Variants in DCDC1 observed in about 807,000 individuals in gnomAD.
DCDC1 encodes the protein doublecortin domain-containing protein 1.
DCDC1 carries 200 observed loss-of-function variants against 178.3 expected under a neutral mutation model. That is an observed-to-expected ratio of 1.12 (90% confidence interval 1.00 to 1.26). The LOEUF (loss-of-function observed/expected upper bound fraction) is 1.26. Ranked by LOEUF, DCDC1 falls within the 50% of genes most tolerant of loss-of-function variation. The pLI, the probability that DCDC1 is intolerant of heterozygous loss-of-function variation, is 0.00. For synonymous variants in DCDC1, 690 were observed against 604.8 expected, an observed-to-expected ratio of 1.14 and a Z score of -2.07; for missense variants, 1,983 against 1,749.2, an observed-to-expected ratio of 1.13 and a Z score of -2.38.
intron 9 of DCDC1, among the ~76,000 whole-genome samples, chr11:31,213,349 C>A (rs1274574888): frequency 6.6e-6 from 1 of 151,748 alleles, no homozygotes; most frequent in Non-Finnish European, 1.5e-5. Flanking sequence ...TGCCTGGCTC[C>A]TGAGTCTATT....
At chr11:31,085,698 CATTG>C (rs58403602) in intron 17 of DCDC1, among the ~76,000 whole-genome samples, 72,086 of 149,542 alleles carry the variant, frequency 0.48, 17,549 homozygotes, top group Middle Eastern at 0.56. Context: ...CTGCTAAGAA[CATTG>C]ATTGATTGAT....
chr11:30,908,260 T>C (rs1945213173), intron 29 of DCDC1, among the ~76,000 whole-genome samples: 1 of 152,122 alleles, frequency 6.6e-6, no homozygotes, highest in African/African-American at 2.4e-5. Context: ...ACTATAGGAC[T>C]CAATTTCATT....
intron 20 of DCDC1, among the ~76,000 whole-genome samples, chr11:31,047,431 G>A (rs180897029): frequency 6.6e-6 from 1 of 152,230 alleles, no homozygotes; most frequent in African/African-American, 2.4e-5. Flanking sequence ...AATCAAGATT[G>A]TATATTTTTT....
intron 20 of DCDC1, among the ~76,000 whole-genome samples, chr11:30,968,065 T>A (rs902713183): frequency 1.3e-5 from 2 of 152,162 alleles, no homozygotes; most frequent in Non-Finnish European, 1.5e-5. Context: ...TACATTTATG[T>A]TGCTGGGTGC....
rs1945092571 is a variant in DCDC1, at chr11:31,265,523, A to T, written c.1038T>A (p.Ile346=). ...RYFYDLYGRK[I]EDISKVPLLE... ...GCCACTTACCTTTTGAAATATCTTC[A>T]ATTTTTCTGCCATACAAATCATAAA... The change falls in exon 8 of 39, where the codon ATT becomes ATA. Residue 346 remains isoleucine, a synonymous_variant. Transcript: ENST00000684477. 7.0e-7 allele frequency: 1 copy of T among 1,427,474 alleles called. No homozygotes were observed. The highest frequency in any genetic ancestry group is 1.5e-5 in the African/African-American group (1 of 67,668). 88.4% of individuals were successfully genotyped at this position (1,427,474 alleles called of 1,614,324 possible).
intron 9 of DCDC1, among the ~76,000 whole-genome samples, chr11:31,186,979 A>G (rs1328435085): frequency 1.3e-5 from 2 of 152,208 alleles, no homozygotes; most frequent in Non-Finnish European, 2.9e-5. Flanking sequence ...AAGCATTATC[A>G]TGCACGATTT....
At position 30,905,081 on chromosome 11, in the gene DCDC1, C is replaced by T. The variant is rs143936561; in HGVS notation, c.4188G>A (p.Thr1396=). 13 of 1,613,624 alleles carry T rather than the reference C, an allele frequency of 8.1e-6. No homozygotes were observed. The highest frequency in any genetic ancestry group is 6.7e-5 in the African/African-American group (5 of 74,910). Residue 1396 remains threonine, a synonymous_variant, in exon 31 of 39, where the codon ACG becomes ACA. Coordinates refer to ENST00000684477, the MANE Select transcript of DCDC1 (RefSeq NM_001387274.1). ...CCATGCCACTGTGAGATGCAGCTTG[C>T]GTGCAGGTCTTCATCCGTAAAGACA... ...RLLSLRMKTC[T]QAASHSGMAA... is the part of the protein sequence containing the mutation.
In DCDC1 at chr11:31,294,856, AAG is replaced by A. The variant is rs900680631; in HGVS notation, c.755-4006_755-4005del. Among the ~76,000 whole-genome samples the A allele has an allele frequency of 2.9e-4, 42 of 143,388 alleles. 1 individual carries two copies. 94.1% of individuals were successfully genotyped at this position (143,388 alleles called of 152,430 possible). On this transcript the variant is annotated intron_variant, in intron 6 of 38. Transcript: ENST00000684477. ...AAAGAAAGAAAGAAAGAAAGAAAGAAAGAAAGAAAGAAAAAGAAAACAGAAAG... is the reference window on the plus strand; with the variant it reads ...AAAGAAAGAAAGAAAGAAAGAAAGAAAAAGAAAGAAAAAGAAAACAGAAAG...
At chr11:31,177,748 T>A (rs1051683888) in intron 9 of DCDC1, among the ~76,000 whole-genome samples, 1 of 152,092 alleles carries the variant, frequency 6.6e-6, no homozygotes, top group African/African-American at 2.4e-5. Flanking sequence ...AAGATAGATT[T>A]TAAGTCAAAA....
At position 31,265,578 on chromosome 11, in the gene DCDC1, C is replaced by T. The variant is rs916416613; in HGVS notation, c.983G>A (p.Arg328Lys). The stretch of plus-strand genomic sequence containing the variant: ...TCTGGCTGGTAAATTTAGATTCATT[C>T]TTATTGTACAAGTATCTAAAACCTG... Reference protein sequence around the residue: ...MKKVLDTCTIRMNLNLPARYF... With the variant: ...MKKVLDTCTIKMNLNLPARYF... Residue 328 changes from arginine to lysine, a missense_variant, in exon 8 of 39, where the codon AGA (arginine) becomes AAA (lysine). Coordinates refer to ENST00000684477, the MANE Select transcript of DCDC1 (RefSeq NM_001387274.1). 8 of 1,420,932 alleles carry T rather than the reference C, an allele frequency of 5.6e-6. No homozygotes were observed. The highest frequency in any genetic ancestry group is 1.7e-5 in the South Asian group (1 of 58,046). 88.0% of individuals were successfully genotyped at this position (1,420,932 alleles called of 1,614,324 possible).
At chr11:30,930,468 A>C (rs1291877401) in intron 22 of DCDC1, among the ~76,000 whole-genome samples, 1 of 152,132 alleles carries the variant, frequency 6.6e-6, no homozygotes, top group East Asian at 1.9e-4. Flanking sequence ...TATTTTAATT[A>C]TTTGGGAGTA....
At chr11:30,977,138 T>C (rs11031257) in intron 20 of DCDC1, among the ~76,000 whole-genome samples, 1,763 of 152,226 alleles carry the variant, frequency 0.012, 39 homozygotes, top group African/African-American at 0.04. Flanking sequence ...GTTGATTTCA[T>C]GAAGGTAGAG....
intron 3 of DCDC1, among the ~76,000 whole-genome samples, chr11:31,322,609 T>C (rs1227890053): frequency 5.9e-5 from 9 of 152,194 alleles, no homozygotes; most frequent in African/African-American, 2.2e-4. Flanking sequence ...TGATCAAACA[T>C]CCATCTTCTT....
chr11:31,134,139 C>T (rs1196373436), intron 10 of DCDC1, among the ~76,000 whole-genome samples: 3 of 152,192 alleles, frequency 2.0e-5, no homozygotes, highest in African/African-American at 7.2e-5. Context: ...TAACATCATA[C>T]CCATCCACTC....
chr11:30,885,659 T>C (rs1295600625), intron 36 of DCDC1, among the ~76,000 whole-genome samples: 2 of 152,138 alleles, frequency 1.3e-5, no homozygotes, highest in Admixed American at 6.5e-5. Context: ...CCTGCAAATA[T>C]GTTTTTAAAT....
At chr11:31,186,092 C>T (rs532506714) in intron 9 of DCDC1, among the ~76,000 whole-genome samples, 4 of 152,152 alleles carry the variant, frequency 2.6e-5, no homozygotes, top group Non-Finnish European at 5.9e-5. Flanking sequence ...CATCAGCTCA[C>T]TTAACCCCTT....
intron 10 of DCDC1, among the ~76,000 whole-genome samples, chr11:31,130,002 A>G (rs1408453173): frequency 1.3e-5 from 2 of 152,130 alleles, no homozygotes; most frequent in African/African-American, 4.8e-5. Context: ...AAGTATCATA[A>G]GTTAGATAAT....
chr11:30,938,128 T>C (rs1947393185), intron 21 of DCDC1, among the ~76,000 whole-genome samples: 1 of 152,142 alleles, frequency 6.6e-6, no homozygotes, highest in Admixed American at 6.6e-5. Flanking sequence ...TCCTTCCTTT[T>C]ACATTATTTT....
intron 7 of DCDC1, among the ~76,000 whole-genome samples, chr11:31,268,509 T>A (rs1945329083): frequency 6.6e-6 from 1 of 152,310 alleles, no homozygotes; most frequent in East Asian, 1.9e-4. Context: ...TTGCTTAGGA[T>A]AATGGGCGTC....
Sources: gnomAD v4.1 joint callset for allele counts (sites outside exome capture counted in the v4.1 genomes callset) on GRCh38, gnomAD v4.1.1 for gene constraint, MANE v1.5 for transcripts, NCBI Gene and HGNC (gene_info 2026-07-23, HGNC 2026-07-21) for gene names.